The following ROR1 variants were observed in gnomAD, a reference collection of about 807,000 sequenced individuals.
ROR1 encodes the protein ROR family WNT receptor 1.
Under a neutral mutation model 78.8 loss-of-function variants are expected in ROR1, and 19 were observed. That is an observed-to-expected ratio of 0.24 (90% CI 0.17 to 0.35). ROR1 has a LOEUF of 0.35. Among genes scored for constraint, ROR1 ranks in the 10% least tolerant of loss-of-function variants. The probability of loss-of-function intolerance (pLI) is 1.00; values close to 1 mark genes in which losing one functional copy is unlikely to be tolerated. For synonymous variants in ROR1, 386 were observed against 433.6 expected (o/e 0.89, Z 1.36); for missense variants, 917 against 1,177.8 (o/e 0.78, Z 3.24).
intron 4 of ROR1, among the ~76,000 whole-genome samples, chr1:64,134,056 G>A (rs1649019038): frequency 6.6e-6 from 1 of 152,132 alleles, no homozygotes; most frequent in Non-Finnish European, 1.5e-5. Context: ...CCATTGCCAA[G>A]CCACTTGGAA....
At chr1:64,008,569 C>T (rs1376223058) in intron 1 of ROR1, among the ~76,000 whole-genome samples, 2 of 152,180 alleles carry the variant, frequency 1.3e-5, no homozygotes, top group East Asian at 3.8e-4. Context: ...AACTAATTTA[C>T]ATTCCCCCAA....
intron 1 of ROR1, among the ~76,000 whole-genome samples, chr1:63,999,609 ATTTTGTTCACCATTATAT>A: frequency 6.6e-6 from 1 of 152,244 alleles, no homozygotes; most frequent in South Asian, 2.1e-4. Context: ...AACTGTCTCA[ATTTTGTTCACCATTATAT>A]CCTAGCACCT....
intron 6 of ROR1, among the ~76,000 whole-genome samples, chr1:64,141,828 G>A (rs1649324963): frequency 6.6e-6 from 1 of 152,124 alleles, no homozygotes; most frequent in Admixed American, 6.5e-5. Flanking sequence ...CAGTTCGACT[G>A]TGTAGATTCT....
intron 1 of ROR1, among the ~76,000 whole-genome samples, chr1:63,940,222 A>C (rs1645825209): frequency 6.6e-6 from 1 of 152,058 alleles, no homozygotes; most frequent in Admixed American, 6.6e-5. Flanking sequence ...CTCAAGTAAA[A>C]AGGCTAATTC....
intron 1 of ROR1, among the ~76,000 whole-genome samples, chr1:63,906,360 G>T (rs890551159): frequency 6.6e-6 from 1 of 152,126 alleles, no homozygotes; most frequent in Non-Finnish European, 1.5e-5. Flanking sequence ...CCTCAGAAGC[G>T]CACGTGCTAT....
chr1:63,933,111 A>C (rs1645767115), intron 1 of ROR1, among the ~76,000 whole-genome samples: 1 of 152,102 alleles, frequency 6.6e-6, no homozygotes, highest in Admixed American at 6.5e-5. Flanking sequence ...ATTTTCCCTA[A>C]ATTAAACACT....
chr1:64,156,491 G>A (rs536762615), intron 7 of ROR1, among the ~76,000 whole-genome samples: 11 of 152,004 alleles, frequency 7.2e-5, no homozygotes, highest in Non-Finnish European at 1.3e-4. Context: ...GGCGGATCAC[G>A]AGGTCAAGAG....
intron 7 of ROR1, among the ~76,000 whole-genome samples, chr1:64,151,646 G>A (rs1649624786): frequency 6.6e-6 from 1 of 151,912 alleles, no homozygotes; most frequent in African/African-American, 2.4e-5. Flanking sequence ...GCCGAGGCGG[G>A]CAGATCATTT....
intron 4 of ROR1, among the ~76,000 whole-genome samples, chr1:64,063,763 A>G (rs1646935246): frequency 6.6e-6 from 1 of 152,050 alleles, no homozygotes; most frequent in South Asian, 2.1e-4. Flanking sequence ...AGACTCACCC[A>G]GGGAGCTTTA....
At chr1:63,832,965 C>A (rs1282953891) in intron 1 of ROR1, among the ~76,000 whole-genome samples, 3 of 152,230 alleles carry the variant, frequency 2.0e-5, no homozygotes, top group Non-Finnish European at 2.9e-5. Flanking sequence ...ACCAGCCCCC[C>A]ACCCACCACT....
chr1:63,909,017 C>G (rs1373734608), intron 1 of ROR1, among the ~76,000 whole-genome samples: 3 of 152,168 alleles, frequency 2.0e-5, no homozygotes, highest in Non-Finnish European at 2.9e-5. Context: ...CTGTTCTGAC[C>G]CATATGTGGT....
At chr1:63,849,931 A>G (rs1007575694) in intron 1 of ROR1, among the ~76,000 whole-genome samples, 2 of 152,266 alleles carry the variant, frequency 1.3e-5, no homozygotes, top group Non-Finnish European at 2.9e-5. Flanking sequence ...GAAATAAAAC[A>G]TTATAGATAC....
intron 4 of ROR1, among the ~76,000 whole-genome samples, chr1:64,136,468 A>G (rs1376651984): frequency 6.6e-6 from 1 of 151,718 alleles, no homozygotes; most frequent in Non-Finnish European, 1.5e-5. Flanking sequence ...TTTGAGAAAC[A>G]GCTGGATGTT....
At chr1:64,167,975 G>C (rs1650129537) in intron 8 of ROR1, among the ~76,000 whole-genome samples, 1 of 152,238 alleles carries the variant, frequency 6.6e-6, no homozygotes, top group African/African-American at 2.4e-5. Flanking sequence ...TTTGGTGTCA[G>C]ACATTCTTGG....
At position 63,789,674 on chromosome 1, in the gene ROR1, C is replaced by CTT. The variant is rs902307163; in HGVS notation, c.91+15187_91+15188dup. On this transcript the variant is annotated intron_variant, in intron 1 of 8. Coordinates refer to ENST00000371079, the MANE Select transcript of ROR1 (RefSeq NM_005012.4). ...GAAAAAAACACCCATCCTTCCTCTC[C>CTT]TTTTTTTTTTTTTTTTTTTTTTGTC... Among the ~76,000 whole-genome samples, 908 of 102,586 alleles carry CTT rather than the reference C, an allele frequency of 8.9e-3. 2 individuals carry two copies. Among genetic ancestry groups the CTT allele is most frequent in the Non-Finnish European group, 0.011 (571 of 50,180 alleles). 67.3% of individuals were successfully genotyped at this position (102,586 alleles called of 152,430 possible).
chr1:63,790,691 G>A (rs1008195252), intron 1 of ROR1, among the ~76,000 whole-genome samples: 12 of 152,200 alleles, frequency 7.9e-5, no homozygotes, highest in African/African-American at 2.9e-4. Flanking sequence ...GGGAATAGAG[G>A]TGGTGAATGC....
At chr1:64,117,584 A>G (rs1448750582) in intron 4 of ROR1, among the ~76,000 whole-genome samples, 2 of 152,162 alleles carry the variant, frequency 1.3e-5, no homozygotes, top group African/African-American at 4.8e-5. Flanking sequence ...TGTTGTGTTC[A>G]TGTAGGATTT....
rs142281128 is a variant in ROR1 at position 63,961,800 on chromosome 1, G to A, written c.92-47505G>A. On this transcript the variant is annotated intron_variant, in intron 1 of 8. Coordinates refer to ENST00000371079, the MANE Select transcript of ROR1 (RefSeq NM_005012.4). ...AGCACAGTAGGGTGATCATAGTTAAGAACAGCTTAGTGTACATTTCAAAAT... is the reference window on the plus strand; with the variant it reads ...AGCACAGTAGGGTGATCATAGTTAAAAACAGCTTAGTGTACATTTCAAAAT... Among the ~76,000 whole-genome samples the A allele has an allele frequency of 1.7e-3, 264 of 152,250 alleles. 2 individuals are homozygous for A. The highest frequency in any genetic ancestry group is 5.9e-3 in the African/African-American group (247 of 41,552).
At chr1:63,799,601 T>A (rs188458350) in intron 1 of ROR1, among the ~76,000 whole-genome samples, 1 of 152,208 alleles carries the variant, frequency 6.6e-6, no homozygotes, top group East Asian at 1.9e-4. Flanking sequence ...GTTTTGCATT[T>A]GACTCAGGAA....
Sources: allele counts gnomAD v4.1 joint callset (sites outside exome capture counted in the v4.1 genomes callset), GRCh38; gene constraint gnomAD v4.1.1; transcripts MANE v1.5; gene names NCBI Gene and HGNC (gene_info 2026-07-23, HGNC 2026-07-21).